The following DLG2 variants were observed in gnomAD, a reference collection of about 807,000 sequenced individuals.
The protein encoded by DLG2 is discs large MAGUK scaffold protein 2.
Under a neutral mutation model 132.5 loss-of-function variants are expected in DLG2, and 45 were observed. The observed-to-expected ratio is 0.34, with a 90% CI of 0.27 to 0.44. DLG2 has a LOEUF of 0.44. DLG2 is among the 20% of genes least tolerant of loss of function. The pLI, the probability that DLG2 is intolerant of heterozygous loss-of-function variation, is 1.00. For missense variants in DLG2, 1,045 were observed against 1,196.9 expected (o/e 0.87, Z 1.87); for synonymous variants, 424 against 419.6 (o/e 1.01, Z -0.13).
At chr11:83,767,810 AATT>A (rs747637449) in intron 18 of DLG2, among the ~76,000 whole-genome samples, 21 of 152,144 alleles carry the variant, frequency 1.4e-4, no homozygotes, top group Non-Finnish European at 2.9e-4. Flanking sequence ...ATCAGCCGGA[AATT>A]ATTATTATAA....
chr11:85,419,763 T>A (rs572771299), intron 3 of DLG2, among the ~76,000 whole-genome samples: 1 of 152,228 alleles, frequency 6.6e-6, no homozygotes, highest in Non-Finnish European at 1.5e-5. Flanking sequence ...GTTCTCATGC[T>A]GTGTTTTTCA....
chr11:84,946,203 G>A (rs894274468), intron 6 of DLG2, among the ~76,000 whole-genome samples: 4 of 152,126 alleles, frequency 2.6e-5, no homozygotes, highest in African/African-American at 7.2e-5. Context: ...AGTGCTCTAC[G>A]TCACTGTGGC....
At chr11:84,263,306 A>G (rs903707835) in intron 7 of DLG2, among the ~76,000 whole-genome samples, 1 of 152,174 alleles carries the variant, frequency 6.6e-6, no homozygotes, top group African/African-American at 2.4e-5. Context: ...GAAAGTTAGG[A>G]GACAGGACAT....
intron 3 of DLG2, among the ~76,000 whole-genome samples, chr11:85,555,643 G>C (rs2076902338): frequency 2.6e-5 from 4 of 151,706 alleles, no homozygotes; most frequent in Admixed American, 2.0e-4. Context: ...TGAATAACCA[G>C]GAAAAAAATT....
chr11:85,043,659 CCAA>C (rs2062059074), intron 6 of DLG2, among the ~76,000 whole-genome samples: 1 of 151,322 alleles, frequency 6.6e-6, no homozygotes, highest in Non-Finnish European at 1.5e-5. Context: ...GAATTCCTTG[CCAA>C]CAACAAAAAC....
intron 7 of DLG2, among the ~76,000 whole-genome samples, chr11:84,503,564 T>C (rs1436939928): frequency 2.6e-5 from 4 of 152,172 alleles, no homozygotes; most frequent in Non-Finnish European, 5.9e-5. Flanking sequence ...ACAGACATTT[T>C]CATAGGAACA....
rs139600108 is a variant in DLG2, at chr11:85,021,088, T to C, written c.357+90573A>G. On this transcript the variant is annotated intron_variant, in intron 6 of 27. Coordinates refer to ENST00000376104, the MANE Select transcript of DLG2 (RefSeq NM_001142699.3). ...GAATCCACTTTTTGTTTTATCTTGG[T>C]CAACTCCTTCTTAATTGCCTGAAGA... 1,728 of 776,120 alleles carry C rather than the reference T, an allele frequency of 2.2e-3. 37 individuals carry two copies. The East Asian group carries it at 0.04, about 18-fold the overall frequency. The allele number at this position is 776,120 out of a possible 1,614,324, so 48.1% of individuals were successfully genotyped here.
At chr11:84,331,346 G>A (rs897430790) in intron 7 of DLG2, among the ~76,000 whole-genome samples, 1 of 151,542 alleles carries the variant, frequency 6.6e-6, no homozygotes, top group Non-Finnish European at 1.5e-5. Flanking sequence ...AATTGCTCAA[G>A]GTCATGCAGC....
At chr11:85,252,093 A>G (rs191063573) in intron 4 of DLG2, among the ~76,000 whole-genome samples, 1 of 152,328 alleles carries the variant, frequency 6.6e-6, no homozygotes, top group East Asian at 1.9e-4. Flanking sequence ...GGCAATGAAT[A>G]AAAGGCATAA....
chr11:84,724,087 C>T (rs933086965), intron 6 of DLG2, among the ~76,000 whole-genome samples: 17 of 151,860 alleles, frequency 1.1e-4, no homozygotes, highest in Admixed American at 3.9e-4. Flanking sequence ...GTTCATGTTG[C>T]GAGGGAAAAG....
At chr11:83,737,636 A>T (rs924057438) in intron 18 of DLG2, among the ~76,000 whole-genome samples, 2 of 152,226 alleles carry the variant, frequency 1.3e-5, no homozygotes, top group Non-Finnish European at 2.9e-5. Context: ...TTAACTCTAG[A>T]TAATTGTTAA....
At chr11:84,351,695 C>A (rs199895329) in intron 7 of DLG2, among the ~76,000 whole-genome samples, 3 of 152,094 alleles carry the variant, frequency 2.0e-5, no homozygotes, top group Non-Finnish European at 4.4e-5. Context: ...AATTTGTAGT[C>A]AGCAGAAATA....
intron 8 of DLG2, among the ~76,000 whole-genome samples, chr11:84,247,400 A>T (rs944425685): frequency 2.6e-5 from 4 of 152,194 alleles, no homozygotes; most frequent in Admixed American, 6.5e-5. Context: ...GGCATGAAAC[A>T]CTATTCAACA....
chr11:84,613,347 G>T (rs1748983341), intron 6 of DLG2, among the ~76,000 whole-genome samples: 1 of 152,066 alleles, frequency 6.6e-6, no homozygotes, highest in Admixed American at 6.6e-5. Context: ...CTCCATTAAT[G>T]GCAAGTTCCC....
chr11:83,518,337 C>T (rs2095366689), intron 21 of DLG2, among the ~76,000 whole-genome samples: 1 of 152,230 alleles, frequency 6.6e-6, no homozygotes, highest in Non-Finnish European at 1.5e-5. Context: ...GGGATATAAT[C>T]TCCTGGTGTG....
intron 19 of DLG2, among the ~76,000 whole-genome samples, chr11:83,584,578 T>A (rs962648895): frequency 6.6e-6 from 1 of 152,178 alleles, no homozygotes; most frequent in Non-Finnish European, 1.5e-5. Context: ...GAGGATTGTG[T>A]GATGAATAAT....
intron 6 of DLG2, among the ~76,000 whole-genome samples, chr11:84,635,675 T>C (rs1285637079): frequency 6.6e-6 from 1 of 152,180 alleles, no homozygotes; most frequent in Non-Finnish European, 1.5e-5. Context: ...CTAGGCACTA[T>C]ACTAAGCCTT....
At chr11:84,067,271 T>A (rs993715591) in intron 10 of DLG2, among the ~76,000 whole-genome samples, 1 of 151,722 alleles carries the variant, frequency 6.6e-6, no homozygotes, top group African/African-American at 2.4e-5. Context: ...GAGGCGGGGG[T>A]TGCTGTGAGC....
chr11:83,712,058 G>A (rs2085564345), intron 18 of DLG2, among the ~76,000 whole-genome samples: 1 of 152,176 alleles, frequency 6.6e-6, no homozygotes, highest in African/African-American at 2.4e-5. Context: ...TACACTGTTG[G>A]TGGGAGTGTA....
Sources: gnomAD v4.1 joint callset for allele counts (sites outside exome capture counted in the v4.1 genomes callset) on GRCh38, gnomAD v4.1.1 for gene constraint, MANE v1.5 for transcripts, NCBI Gene and HGNC (gene_info 2026-07-23, HGNC 2026-07-21) for gene names.